Variants in FBRSL1 observed in about 807,000 individuals in gnomAD.
The protein encoded by FBRSL1 is fibrosin like 1.
Under a neutral mutation model 89.6 loss-of-function variants are expected in FBRSL1, and 51 were observed. The ratio of observed to expected loss-of-function variants is 0.57; its 90% CI spans 0.45 to 0.72. The LOEUF is 0.72. Among genes scored for constraint, FBRSL1 ranks in the 30% least tolerant of loss-of-function variants. FBRSL1 has a pLI of 0.00. For synonymous variants in FBRSL1, 779 were observed against 681.1 expected (o/e 1.14, Z -2.24); for missense variants, 1,618 against 1,451.8 (o/e 1.11, Z -1.86).
chr12:132,581,216 C>T (rs1675290534), intron 15 of FBRSL1: 1 of 985,272 alleles, frequency 1.0e-6, no homozygotes, highest in Non-Finnish European at 1.2e-6. Flanking sequence ...CCCTTGGGGT[C>T]CCAGGATGGC....
chr12:132,490,578 C>A lies in FBRSL1; in HGVS notation c.8C>A (p.Ala3Asp), dbSNP rs1057085815. MEAKVRPSRRSRA... is the reference protein window; with the variant it reads MEDKVRPSRRSRA... The stretch of plus-strand genomic sequence containing the variant: ...CGGGGCGCACGCGCGGCCATGGAGG[C>A]CAAGGTCCGCCCGAGCCGGCGCTCG... The change falls in exon 1 of 19, where the codon GCC (alanine) becomes GAC (aspartate). Residue 3 changes from alanine to aspartate, a missense_variant. Transcript: ENST00000680143. The A allele has an allele frequency of 3.1e-6, 3 of 982,114 alleles. No individual in the cohort carries two copies. The highest frequency in any genetic ancestry group is 3.5e-5 in the African/African-American group (2 of 56,652). 60.8% of individuals were successfully genotyped at this position (982,114 alleles called of 1,614,324 possible).
At chr12:132,564,889 G>T (rs547223804) in intron 5 of FBRSL1, among the ~76,000 whole-genome samples, 1 of 151,882 alleles carries the variant, frequency 6.6e-6, no homozygotes, top group African/African-American at 2.4e-5. Flanking sequence ...TCGGCCTCCC[G>T]CAGTGCTGGG....
chr12:132,540,675 C>T (rs1489401638), intron 4 of FBRSL1, among the ~76,000 whole-genome samples: 2 of 152,128 alleles, frequency 1.3e-5, no homozygotes, highest in Non-Finnish European at 2.9e-5. Context: ...GTGTGTGTGG[C>T]GCCTGCTCTG....
rs143070937 is a variant in FBRSL1 at position 132,515,209 on chromosome 12, C to T, written c.489+6859C>T. On this transcript the variant is annotated intron_variant, in intron 2 of 18. Coordinates refer to ENST00000680143, the MANE Select transcript of FBRSL1 (RefSeq NM_001367871.1). ...GCCGAGACCCAGGATGCACCCCTCA[C>T]TTGGCACAGACAAACCAGACACACC... 3.1e-3 allele frequency among the ~76,000 whole-genome samples: 471 copies of T among 152,322 alleles called. 3 individuals carry two copies. Among genetic ancestry groups the T allele is most frequent in the African/African-American group, 0.01 (436 of 41,574 alleles).
chr12:132,566,293 A>G (rs2039608083), intron 5 of FBRSL1: 1 of 151,886 alleles, frequency 6.6e-6, no homozygotes, highest in Non-Finnish European at 1.5e-5. Context: ...TCAAGACCTC[A>G]TGACCTCATC....
chr12:132,544,441 G>A (rs2037512943), intron 4 of FBRSL1, among the ~76,000 whole-genome samples: 1 of 152,184 alleles, frequency 6.6e-6, no homozygotes, highest in African/African-American at 2.4e-5. Context: ...ACAAGCGTGA[G>A]CACTGCCAGG....
chr12:132,568,281 C>T (rs72624262), intron 6 of FBRSL1, among the ~76,000 whole-genome samples: 35,907 of 152,236 alleles, frequency 0.24, 4,944 homozygotes, highest in South Asian at 0.32. Context: ...TTTGCTGGGA[C>T]GGCTTCATCC....
At chr12:132,510,598 G>C (rs1386285091) in intron 2 of FBRSL1, 3 of 1,230,696 alleles carry the variant, frequency 2.4e-6, no homozygotes, top group Non-Finnish European at 3.0e-6. Context: ...GGGCTGAGCT[G>C]TTTGTCGTTG....
chr12:132,563,072 C>A (rs2039279823), intron 5 of FBRSL1, among the ~76,000 whole-genome samples: 1 of 20,338 alleles, frequency 4.9e-5, no homozygotes, highest in Non-Finnish European at 8.9e-5. Flanking sequence ...CACGCCTGGC[C>A]CCCACAGCCT....
At chr12:132,525,639 G>A (rs2035727559) in intron 2 of FBRSL1, 95 bp from the exon 3 acceptor site, 1 of 1,004,952 alleles carries the variant, frequency 1.0e-6, no homozygotes, top group Non-Finnish European at 1.5e-6. Flanking sequence ...GGGTGCTGGG[G>A]TGCCGGGAGC....
At chr12:132,567,066 C>G (rs973208606) in intron 5 of FBRSL1, among the ~76,000 whole-genome samples, 3 of 152,216 alleles carry the variant, frequency 2.0e-5, no homozygotes, top group Non-Finnish European at 2.9e-5. Context: ...TCCCGGGGCT[C>G]TCCATCATCC....
Position 132,582,058 on chromosome 12 carries a change from C to A in FBRSL1, c.1997-4C>A. The A allele has an allele frequency of 6.5e-7, 1 of 1,544,710 alleles. No individual in the cohort carries two copies. ...ACCTCATGCTCCCCGGCCTCTGCCCCCAGCTCCCGGTGGCAGCATCTTTGC... is the reference window on the plus strand; with the variant it reads ...ACCTCATGCTCCCCGGCCTCTGCCCACAGCTCCCGGTGGCAGCATCTTTGC... On this transcript the variant is annotated splice_region_variant and splice_polypyrimidine_tract_variant and intron_variant, in intron 17 of 18. Coordinates refer to ENST00000680143, the MANE Select transcript of FBRSL1 (RefSeq NM_001367871.1).
At chr12:132,511,529 G>C (rs2034340591) in intron 2 of FBRSL1, 4 of 986,020 alleles carry the variant, frequency 4.1e-6, no homozygotes, top group Middle Eastern at 5.2e-4. Context: ...GTTTGGGGGG[G>C]CTTTGACTGT....
chr12:132,504,181 G>T (rs2033380405), intron 1 of FBRSL1, among the ~76,000 whole-genome samples: 1 of 152,066 alleles, frequency 6.6e-6, no homozygotes, highest in Non-Finnish European at 1.5e-5. Context: ...AGCAGGGCGT[G>T]GCCACCTGGC....
intron 2 of FBRSL1, chr12:132,509,647 T>C (rs956545031): frequency 3.2e-6 from 4 of 1,231,250 alleles, no homozygotes; most frequent in Non-Finnish European, 4.0e-6. Flanking sequence ...TGCCGGCGCC[T>C]GCGGTTCCTC....
intron 4 of FBRSL1, among the ~76,000 whole-genome samples, chr12:132,544,938 A>G (rs1239671766): frequency 1.3e-5 from 2 of 152,210 alleles, no homozygotes; most frequent in African/African-American, 4.8e-5. Context: ...GCACTGCCTT[A>G]GTGCTTTGCA....
At chr12:132,567,253 C>G (rs183702786) in intron 5 of FBRSL1, among the ~76,000 whole-genome samples, 203 of 152,338 alleles carry the variant, frequency 1.3e-3, no homozygotes, top group African/African-American at 4.8e-3. Context: ...AGGAAGCCTG[C>G]TGCTCTGAGC....
At chr12:132,500,047 T>C (rs2032713082) in intron 1 of FBRSL1, among the ~76,000 whole-genome samples, 1 of 152,118 alleles carries the variant, frequency 6.6e-6, no homozygotes. Context: ...GTGTGTACCA[T>C]GTACGTGCAC....
At chr12:132,535,999 G>T (rs956359106) in intron 4 of FBRSL1, among the ~76,000 whole-genome samples, 2 of 152,028 alleles carry the variant, frequency 1.3e-5, no homozygotes, top group African/African-American at 4.8e-5. Flanking sequence ...ACGTGTACAT[G>T]ATGCGTGGAT....
Sources: gnomAD v4.1 joint callset for allele counts (sites outside exome capture counted in the v4.1 genomes callset) on GRCh38, gnomAD v4.1.1 for gene constraint, MANE v1.5 for transcripts, NCBI Gene and HGNC (gene_info 2026-07-23, HGNC 2026-07-21) for gene names.